Variants in SATB2 observed in about 807,000 individuals in gnomAD.
SATB2 encodes SATB homeobox 2, also known as DNA-binding protein SATB2.
Under a neutral mutation model 73.4 loss-of-function variants are expected in SATB2, and 1 was observed. That is an observed-to-expected ratio of 0.01 (90% CI 0.00 to 0.06). The LOEUF is 0.06. Among genes scored for constraint, SATB2 ranks in the 10% least tolerant of loss-of-function variants. The pLI is 1.00. For missense variants in SATB2, 459 were observed against 945.8 expected, an observed-to-expected ratio of 0.49 and a Z score of 6.75; for synonymous variants, 397 against 367.0, an observed-to-expected ratio of 1.08 and a Z score of -0.93.
At chr2:199,343,822 A>G (rs889929258) in intron 7 of SATB2, among the ~76,000 whole-genome samples, 1 of 152,234 alleles carries the variant, frequency 6.6e-6, no homozygotes, top group Admixed American at 6.5e-5. Flanking sequence ...GTTTCTTTCT[A>G]GGTGTAGCCA....
chr2:199,295,802 G>C (rs776789149), intron 10 of SATB2, among the ~76,000 whole-genome samples: 8 of 152,080 alleles, frequency 5.3e-5, no homozygotes, highest in Non-Finnish European at 7.3e-5. Context: ...ATTTGATCTG[G>C]AAACAACTTG....
chr2:199,349,622 A>G (rs1321594043), intron 6 of SATB2, among the ~76,000 whole-genome samples: 1 of 152,238 alleles, frequency 6.6e-6, no homozygotes, highest in Non-Finnish European at 1.5e-5. Context: ...TCTAGTAAAA[A>G]GCTCACATAA....
intron 3 of SATB2, among the ~76,000 whole-genome samples, chr2:199,425,461 G>C (rs1249025030): frequency 6.6e-6 from 1 of 152,196 alleles, no homozygotes; most frequent in Non-Finnish European, 1.5e-5. Flanking sequence ...ATTTTTAAAT[G>C]AATTATTTCC....
At chr2:199,423,772 C>T (rs1174752350) in intron 3 of SATB2, 1 of 152,088 alleles carries the variant, frequency 6.6e-6, no homozygotes, top group Non-Finnish European at 1.5e-5. Flanking sequence ...AACAGGCTGC[C>T]CTCTTAGCTC....
chr2:199,442,659 A>ATCAG (rs1265097158), intron 2 of SATB2, among the ~76,000 whole-genome samples: 1 of 152,174 alleles, frequency 6.6e-6, no homozygotes, highest in African/African-American at 2.4e-5. Flanking sequence ...AAGTGGAAGG[A>ATCAG]TCAGTTGAGC....
chr2:199,399,728 C>T (rs563055427), intron 3 of SATB2, among the ~76,000 whole-genome samples: 27 of 152,148 alleles, frequency 1.8e-4, no homozygotes, highest in South Asian at 6.2e-4. Context: ...GCAAGAGAAG[C>T]GGAGAGGTGC....
intron 3 of SATB2, among the ~76,000 whole-genome samples, chr2:199,426,023 G>A (rs1691316735): frequency 6.6e-6 from 1 of 152,176 alleles, no homozygotes; most frequent in African/African-American, 2.4e-5. Context: ...ATGGTTAACA[G>A]CAATTTGGGG....
intron 3 of SATB2, among the ~76,000 whole-genome samples, chr2:199,394,514 C>T (rs1344215120): frequency 2.6e-5 from 4 of 152,042 alleles, no homozygotes; most frequent in African/African-American, 9.7e-5. Context: ...GGCTGTGGGC[C>T]AGGCTCTGTG....
intron 3 of SATB2, among the ~76,000 whole-genome samples, chr2:199,415,488 C>T (rs977379672): frequency 2.6e-5 from 4 of 152,020 alleles, no homozygotes; most frequent in African/African-American, 9.7e-5. Flanking sequence ...AATTGTATTG[C>T]TATAAGAAGA....
intron 5 of SATB2, among the ~76,000 whole-genome samples, chr2:199,378,118 A>C (rs1689658809): frequency 6.6e-6 from 1 of 152,186 alleles, no homozygotes; most frequent in South Asian, 2.1e-4. Context: ...AAAAGAACTG[A>C]GATTAGAACC....
chr2:199,317,828 C>A (rs1244269198), intron 9 of SATB2, among the ~76,000 whole-genome samples: 1 of 151,958 alleles, frequency 6.6e-6, no homozygotes, highest in Admixed American at 6.6e-5. Flanking sequence ...ACTTGACGCT[C>A]GCGCATCATA....
chr2:199,278,842 A>C (rs542444220), intron 10 of SATB2, among the ~76,000 whole-genome samples: 2 of 152,312 alleles, frequency 1.3e-5, no homozygotes, highest in Admixed American at 1.3e-4. Flanking sequence ...TCTTCATCAG[A>C]GGTGTTCATC....
Position 199,368,623 on chromosome 2 carries a change from T to G in SATB2, c.682A>C (p.Lys228Gln). The G allele has an allele frequency of 6.2e-7, 1 of 1,604,588 alleles. No individual in the cohort carries two copies. Among genetic ancestry groups the G allele is most frequent in the African/African-American group, 1.3e-5 (1 of 74,792 alleles). The change falls in exon 6 of 11, where the codon AAG becomes CAG. Residue 228 changes from lysine (K) to glutamine (Q), a missense_variant. Around this residue, in one of 13 missense-constraint regions of SATB2, gnomAD observed 77 missense variants for 90.4 expected, o/e 0.85. Coordinates refer to ENST00000417098, the MANE Select transcript of SATB2 (RefSeq NM_001172509.2). ...KCQEFGRWYK[K>Q]YKKIKVERVE... ...AGTTTACCTTTAATCTTCTTGTACT[T>G]TTTATACCATCTCCCAAACTCCTGG...
chr2:199,443,187 C>G (rs1259852230), intron 2 of SATB2, among the ~76,000 whole-genome samples: 1 of 151,834 alleles, frequency 6.6e-6, no homozygotes, highest in East Asian at 1.9e-4. Context: ...TGTCCTTATA[C>G]TAACATTTAC....
In SATB2 at chr2:199,456,028, G is replaced by A; in HGVS notation, c.10C>T (p.Arg4Trp). 6.5e-7 allele frequency: 1 copy of A among 1,529,978 alleles called. No individual in the cohort carries two copies. 94.8% of individuals were successfully genotyped at this position (1,529,978 alleles called of 1,614,324 possible). A position where few individuals can be genotyped will look rare whatever the true frequency, so the allele number is the denominator to read the frequency against. MER[R>W]SESPCLRDSP... ...TCCCGCAGACACGGGCTCTCGCTCCGCCGCTCCATGCTGCTCCGACTCGGA... is the reference window on the plus strand; with the variant it reads ...TCCCGCAGACACGGGCTCTCGCTCCACCGCTCCATGCTGCTCCGACTCGGA... Residue 4 changes from arginine to tryptophan, a missense_variant, in exon 2 of 11, where the codon CGG becomes TGG. Physicochemically the swap from Arg to Trp is moderately radical, Grantham distance 101. Transcript: ENST00000417098.
chr2:199,435,293 AC>A (rs1229170708), intron 2 of SATB2, among the ~76,000 whole-genome samples: 1 of 152,164 alleles, frequency 6.6e-6, no homozygotes, highest in East Asian at 1.9e-4. Context: ...ATTTATTTAT[AC>A]CAAGTTTATT....
intron 2 of SATB2, among the ~76,000 whole-genome samples, chr2:199,440,087 CAGAA>C (rs1301287419): frequency 6.6e-6 from 1 of 151,972 alleles, no homozygotes; most frequent in Admixed American, 6.6e-5. Flanking sequence ...GCCTGGGCAA[CAGAA>C]AGAGACTCTG....
chr2:199,304,032 C>A (rs1323034358), intron 10 of SATB2, among the ~76,000 whole-genome samples: 1 of 152,154 alleles, frequency 6.6e-6, no homozygotes, highest in East Asian at 1.9e-4. Flanking sequence ...ATGACCTAGT[C>A]ATAGCATGAG....
At chr2:199,339,264 A>G (rs1688433858) in intron 7 of SATB2, among the ~76,000 whole-genome samples, 1 of 152,140 alleles carries the variant, frequency 6.6e-6, no homozygotes. Flanking sequence ...ACTAAAGGGA[A>G]CCTGCTATCT....
Sources: gnomAD v4.1 joint callset for allele counts (sites outside exome capture counted in the v4.1 genomes callset) on GRCh38, gnomAD v4.1.1 for gene constraint, gnomAD v4.1.1 regional missense constraint, MANE v1.5 for transcripts, NCBI Gene and HGNC (gene_info 2026-07-23, HGNC 2026-07-21) for gene names.